The following MAMDC2 variants were observed in gnomAD, a reference collection of about 807,000 sequenced individuals.
MAMDC2 encodes MAM domain-containing protein 2.
Under a neutral mutation model 89.8 loss-of-function variants are expected in MAMDC2, and 57 were observed. The observed-to-expected ratio is 0.63, with a 90% CI of 0.51 to 0.79. The LOEUF (loss-of-function observed/expected upper bound fraction) is 0.79, where lower values mean the gene tolerates loss of function less well. Ranked by LOEUF, MAMDC2 falls within the 30% of genes least tolerant of loss-of-function variation. The pLI, the probability that MAMDC2 is intolerant of heterozygous loss-of-function variation, is 0.00. For missense variants in MAMDC2, 800 were observed against 820.6 expected, an observed-to-expected ratio of 0.97 and a Z score of 0.31; for synonymous variants, 313 against 293.4, an observed-to-expected ratio of 1.07 and a Z score of -0.68.
chr9:70,051,103 C>T (rs959862921), intron 2 of MAMDC2, among the ~76,000 whole-genome samples: 1 of 152,176 alleles, frequency 6.6e-6, no homozygotes. Context: ...GATCCTAACC[C>T]TTGGCCTTCC....
intron 2 of MAMDC2, among the ~76,000 whole-genome samples, chr9:70,084,324 A>T (rs1298409287): frequency 6.6e-6 from 1 of 152,104 alleles, no homozygotes; most frequent in Non-Finnish European, 1.5e-5. Context: ...ACCTGACTTA[A>T]GATTGCCAGA....
chr9:70,143,826 C>T lies in MAMDC2; in HGVS notation c.1404+7C>T, dbSNP rs12683706. 134,636 of 1,611,492 alleles carry T rather than the reference C, an allele frequency of 0.084. 7,354 individuals carry two copies. The highest frequency in any genetic ancestry group is 0.26 in the East Asian group (11,698 of 44,836). On this transcript the variant is annotated splice_region_variant and intron_variant, in intron 9 of 13. Coordinates refer to ENST00000377182, the MANE Select transcript of MAMDC2 (RefSeq NM_153267.5). ...GAAGCCCATGCCTACCAAGGTACAG[C>T]AGAGCCAATTTCTCCTGTGTCCATG... is the stretch of plus-strand genomic sequence containing the variant.
At chr9:70,054,362 C>A (rs1483763609) in intron 2 of MAMDC2, among the ~76,000 whole-genome samples, 1 of 151,972 alleles carries the variant, frequency 6.6e-6, no homozygotes, top group Non-Finnish European at 1.5e-5. Context: ...ACAGGAAGAA[C>A]CGGGCATGTA....
chr9:70,075,929 T>C (rs1827520332), intron 2 of MAMDC2, among the ~76,000 whole-genome samples: 1 of 152,058 alleles, frequency 6.6e-6, no homozygotes, highest in African/African-American at 2.4e-5. Context: ...AAAGGGAAAA[T>C]ATAAGATATG....
intron 11 of MAMDC2, among the ~76,000 whole-genome samples, chr9:70,190,525 G>A (rs1381492129): frequency 6.6e-6 from 1 of 151,358 alleles, no homozygotes; most frequent in African/African-American, 2.4e-5. Flanking sequence ...GAGCCTAAAG[G>A]TCAGCCAGAG....
intron 5 of MAMDC2, among the ~76,000 whole-genome samples, chr9:70,120,112 T>G (rs533768448): frequency 6.6e-6 from 1 of 152,334 alleles, no homozygotes; most frequent in South Asian, 2.1e-4. Flanking sequence ...GTAGCCCAGC[T>G]GCCTTCTAAA....
chr9:70,211,511 C>CTAGT (rs1434266524), intron 11 of MAMDC2, among the ~76,000 whole-genome samples: 2 of 152,170 alleles, frequency 1.3e-5, no homozygotes, highest in South Asian at 4.1e-4. Flanking sequence ...ACTGTTTATT[C>CTAGT]TAGTTAGCCA....
chr9:70,162,645 C>G (rs967407619), intron 9 of MAMDC2, among the ~76,000 whole-genome samples: 1 of 151,914 alleles, frequency 6.6e-6, no homozygotes, highest in South Asian at 2.1e-4. Flanking sequence ...TGTACACCAC[C>G]GTGCCCAGCT....
intron 9 of MAMDC2, among the ~76,000 whole-genome samples, chr9:70,144,712 C>A (rs1204580773): frequency 6.6e-6 from 1 of 152,226 alleles, no homozygotes; most frequent in African/African-American, 2.4e-5. Flanking sequence ...ATGAGTCTAT[C>A]ACATTCAAAT....
intron 2 of MAMDC2, among the ~76,000 whole-genome samples, chr9:70,045,768 T>C (rs1452929612): frequency 6.6e-6 from 1 of 152,202 alleles, no homozygotes; most frequent in Non-Finnish European, 1.5e-5. Context: ...GAGGAAGGAA[T>C]CTCAGCCATA....
intron 12 of MAMDC2, among the ~76,000 whole-genome samples, chr9:70,221,715 C>T (rs2033569768): frequency 6.6e-6 from 1 of 151,730 alleles, no homozygotes; most frequent in African/African-American, 2.4e-5. Flanking sequence ...AATCATCCCA[C>T]ATTTTGTGTG....
At chr9:70,077,275 C>G (rs1463023683) in intron 2 of MAMDC2, among the ~76,000 whole-genome samples, 1 of 152,182 alleles carries the variant, frequency 6.6e-6, no homozygotes, top group African/African-American at 2.4e-5. Flanking sequence ...GTGAAACCCT[C>G]CTTCTTCCTC....
At chr9:70,160,508 C>T (rs900716430) in intron 9 of MAMDC2, among the ~76,000 whole-genome samples, 2 of 152,184 alleles carry the variant, frequency 1.3e-5, no homozygotes, top group African/African-American at 2.4e-5. Flanking sequence ...TTCTCTGTCC[C>T]ACCATGAAAA....
At chr9:70,166,476 T>C (rs559323383) in intron 9 of MAMDC2, among the ~76,000 whole-genome samples, 1 of 152,218 alleles carries the variant, frequency 6.6e-6, no homozygotes, top group South Asian at 2.1e-4. Context: ...TTAGATGAAC[T>C]AGATATTATT....
At position 70,053,560 on chromosome 9, in the gene MAMDC2, G is replaced by A. The variant is rs572429916; in HGVS notation, c.148+8863G>A. Reference sequence around the variant, plus strand: ...CCCACAATTGTGGTAGAAGGTAAAAGGAATTGTGTGCTAGTCAAGGCTTTT... The same window carrying A: ...CCCACAATTGTGGTAGAAGGTAAAAAGAATTGTGTGCTAGTCAAGGCTTTT... On this transcript the variant is annotated intron_variant, in intron 2 of 13. Transcript: ENST00000377182. Among the ~76,000 whole-genome samples the A allele has an allele frequency of 3.9e-5, 6 of 152,302 alleles. No homozygotes were observed. The South Asian group carries it at 1.2e-3, about 32-fold the overall frequency.
intron 2 of MAMDC2, among the ~76,000 whole-genome samples, chr9:70,047,567 G>A (rs1826783799): frequency 6.6e-6 from 1 of 152,202 alleles, no homozygotes; most frequent in Admixed American, 6.5e-5. Flanking sequence ...ATTCCATGCT[G>A]TATATGTGCT....
At chr9:70,064,017 G>C (rs1587437161) in intron 2 of MAMDC2, among the ~76,000 whole-genome samples, 1 of 151,806 alleles carries the variant, frequency 6.6e-6, no homozygotes. Flanking sequence ...AAAGGGATAA[G>C]CATTCTTTAT....
chr9:70,096,057 T>G lies in MAMDC2; in HGVS notation c.149-12154T>G, dbSNP rs370364447. Reference sequence around the variant, plus strand: ...TCTTTTTTTTGAGACACAATCTTGCTCTCTTGCCTGGGCTGGACTGCACTG... The same window carrying G: ...TCTTTTTTTTGAGACACAATCTTGCGCTCTTGCCTGGGCTGGACTGCACTG... On this transcript the variant is annotated intron_variant, in intron 2 of 13. Coordinates refer to ENST00000377182, the MANE Select transcript of MAMDC2 (RefSeq NM_153267.5). Among the ~76,000 whole-genome samples, 8 of 151,976 alleles carry G rather than the reference T, an allele frequency of 5.3e-5. 1 individual carries two copies. The East Asian group carries it at 1.4e-3, about 26-fold the overall frequency.
intron 2 of MAMDC2, among the ~76,000 whole-genome samples, chr9:70,073,925 C>T (rs1487970687): frequency 6.6e-6 from 1 of 152,194 alleles, no homozygotes; most frequent in Non-Finnish European, 1.5e-5. Context: ...CTGTTCAAAG[C>T]TCTGTCCTCC....
Sources: gnomAD v4.1 joint callset for allele counts (sites outside exome capture counted in the v4.1 genomes callset) on GRCh38, gnomAD v4.1.1 for gene constraint, MANE v1.5 for transcripts, NCBI Gene and HGNC (gene_info 2026-07-23, HGNC 2026-07-21) for gene names.